Variants in RSRC1 observed in about 807,000 individuals in gnomAD.
RSRC1 encodes serine/Arginine-related protein 53.
A neutral mutation model predicts 49.1 loss-of-function variants in RSRC1; 39 were observed. The ratio of observed to expected loss-of-function variants is 0.79; its 90% CI spans 0.61 to 1.04. RSRC1 has a LOEUF of 1.04. RSRC1 is among the 50% of genes least tolerant of loss of function. The pLI, the probability that RSRC1 is intolerant of heterozygous loss-of-function variation, is 0.00. For missense variants in RSRC1, 388 were observed against 402.4 expected (o/e 0.96, Z 0.31); for synonymous variants, 143 against 130.8 (o/e 1.09, Z -0.63).
chr3:158,265,557 G>T (rs1313808840), intron 4 of RSRC1, among the ~76,000 whole-genome samples: 2 of 151,948 alleles, frequency 1.3e-5, no homozygotes, highest in Non-Finnish European at 2.9e-5. Context: ...CTTGAAACCG[G>T]GAGGCAGAGG....
intron 7 of RSRC1, among the ~76,000 whole-genome samples, chr3:158,509,209 A>T (rs1250072193): frequency 6.6e-6 from 1 of 152,146 alleles, no homozygotes; most frequent in Non-Finnish European, 1.5e-5. Flanking sequence ...TTATTTTTGC[A>T]TGTGGATTAT....
chr3:158,197,967 G>C (rs970366531), intron 3 of RSRC1, among the ~76,000 whole-genome samples: 1 of 152,184 alleles, frequency 6.6e-6, no homozygotes, highest in East Asian at 1.9e-4. Context: ...TGTATATTCT[G>C]TTGATTTGGG....
At chr3:158,357,617 A>G (rs140566531) in intron 6 of RSRC1, among the ~76,000 whole-genome samples, 1 of 152,060 alleles carries the variant, frequency 6.6e-6, no homozygotes, top group African/African-American at 2.4e-5. Flanking sequence ...CTTTTTGGTG[A>G]TGAATTTTAA....
intron 5 of RSRC1, among the ~76,000 whole-genome samples, chr3:158,307,068 C>A (rs906759088): frequency 6.6e-6 from 1 of 150,988 alleles, no homozygotes; most frequent in Non-Finnish European, 1.5e-5. Context: ...AAGCAAGATG[C>A]GAAAGCTTGA....
Position 158,517,755 on chromosome 3 carries a change from A to ATTTTTTTTTTTTT in RSRC1, c.653-19311_653-19299dup, listed in dbSNP as rs766129663. Among the ~76,000 whole-genome samples the ATTTTTTTTTTTTT allele has an allele frequency of 2.3e-4, 8 of 35,176 alleles. 1 individual carries two copies. Among genetic ancestry groups the ATTTTTTTTTTTTT allele is most frequent in the East Asian group, 1.1e-3 (1 of 916 alleles). 23.1% of individuals were successfully genotyped at this position (35,176 alleles called of 152,430 possible). A position where few individuals can be genotyped will look rare whatever the true frequency, so the allele number is the denominator to read the frequency against. On this transcript the variant is annotated intron_variant, in intron 7 of 9. Coordinates refer to ENST00000611884, the MANE Select transcript of RSRC1 (RefSeq NM_001271838.2). ...AGGTGTATACCACAACACCCAGCTA[A>ATTTTTTTTTTTTT]TTTTTTTTTTTTTTTTTTTTTTTTT...
chr3:158,410,189 A>G (rs958652168), intron 6 of RSRC1, among the ~76,000 whole-genome samples: 3 of 152,132 alleles, frequency 2.0e-5, no homozygotes, highest in Non-Finnish European at 1.5e-5. Context: ...TGGAATTCTT[A>G]ATATAGCTAC....
At chr3:158,200,781 T>C (rs1178283782) in intron 3 of RSRC1, among the ~76,000 whole-genome samples, 1 of 152,168 alleles carries the variant, frequency 6.6e-6, no homozygotes. Context: ...TTCATTTACC[T>C]GCCCCATGCT....
chr3:158,504,602 G>A (rs1242116073), intron 7 of RSRC1, among the ~76,000 whole-genome samples: 2 of 152,096 alleles, frequency 1.3e-5, no homozygotes, highest in African/African-American at 4.8e-5. Flanking sequence ...TTACTGAGTG[G>A]CCTTTGGTCA....
chr3:158,369,723 A>G (rs1560013783), intron 6 of RSRC1, among the ~76,000 whole-genome samples: 1 of 152,072 alleles, frequency 6.6e-6, no homozygotes, highest in Admixed American at 6.6e-5. Flanking sequence ...TTATTTTTAA[A>G]TTGTCTTGTC....
intron 7 of RSRC1, among the ~76,000 whole-genome samples, chr3:158,463,363 G>A (rs1312548165): frequency 3.9e-5 from 6 of 152,030 alleles, no homozygotes; most frequent in Non-Finnish European, 7.4e-5. Flanking sequence ...AGTGATTAAT[G>A]TATAAGCTAC....
At chr3:158,450,331 C>CTTTTTTTTTTTTTTTTTTTT (rs57318071) in intron 6 of RSRC1, among the ~76,000 whole-genome samples, 1 of 127,308 alleles carries the variant, frequency 7.9e-6, no homozygotes, top group African/African-American at 2.9e-5. Flanking sequence ...TTCTTTTTTG[C>CTTTTTTTTTTTTTTTTTTTT]TTTTTTTTTT....
intron 4 of RSRC1, among the ~76,000 whole-genome samples, chr3:158,242,450 CATT>C (rs1578234964): frequency 6.6e-6 from 1 of 152,072 alleles, no homozygotes; most frequent in South Asian, 2.1e-4. Flanking sequence ...TCCAATCTAT[CATT>C]GTTGGACATT....
chr3:158,537,645 G>A (rs985555217), intron 8 of RSRC1, among the ~76,000 whole-genome samples: 3 of 151,446 alleles, frequency 2.0e-5, no homozygotes, highest in Admixed American at 6.6e-5. Context: ...TCACTTATTT[G>A]GCTGTGGTAA....
At chr3:158,211,988 T>G (rs1396374664) in intron 4 of RSRC1, among the ~76,000 whole-genome samples, 1 of 151,938 alleles carries the variant, frequency 6.6e-6, no homozygotes, top group Non-Finnish European at 1.5e-5. Context: ...TTCATCTTTT[T>G]GGGTTCATTT....
rs564489943 is a variant in RSRC1 at position 158,441,000 on chromosome 3, G to A, written c.584-19935G>A. Among the ~76,000 whole-genome samples, 4 of 152,142 alleles carry A rather than the reference G, an allele frequency of 2.6e-5. No homozygotes were observed. The East Asian group carries it at 7.7e-4, about 29-fold the overall frequency. On this transcript the variant is annotated intron_variant, in intron 6 of 9. Coordinates refer to ENST00000611884, the MANE Select transcript of RSRC1 (RefSeq NM_001271838.2). ...GAGAAATCACTTTCAGGTGTTTGAA[G>A]TGAAATCTCTTGCATGGTTTTATGT...
Position 158,544,724 on chromosome 3 carries a change from C to T in RSRC1, c.*449C>T, listed in dbSNP as rs1713228457. On this transcript the variant is annotated 3_prime_UTR_variant, in exon 10 of 10. Coordinates refer to ENST00000611884, the MANE Select transcript of RSRC1 (RefSeq NM_001271838.2). The stretch of plus-strand genomic sequence containing the variant: ...TTTCACCATATTGCAAATTTTTAGG[C>T]ACAATAAAAAGCACCCTAAACAATG... 6.6e-6 allele frequency: 1 copy of T among 152,128 alleles called. No individual in the cohort carries two copies. Among genetic ancestry groups the T allele is most frequent in the Admixed American group, 6.5e-5 (1 of 15,282 alleles). The allele number at this position is 152,128 out of a possible 1,614,324, so 9.4% of individuals were successfully genotyped here.
intron 4 of RSRC1, among the ~76,000 whole-genome samples, chr3:158,258,964 T>C (rs968512438): frequency 6.6e-6 from 1 of 152,216 alleles, no homozygotes; most frequent in African/African-American, 2.4e-5. Context: ...TGGTATTTGT[T>C]ATCTTGGATT....
chr3:158,288,608 TG>T (rs982510043), intron 4 of RSRC1, among the ~76,000 whole-genome samples: 16 of 152,172 alleles, frequency 1.1e-4, no homozygotes, highest in African/African-American at 3.9e-4. Context: ...CCGGTATCTG[TG>T]GGATATTGAT....
intron 4 of RSRC1, among the ~76,000 whole-genome samples, chr3:158,256,503 G>A (rs1368912922): frequency 2.6e-5 from 4 of 152,116 alleles, no homozygotes; most frequent in Non-Finnish European, 4.4e-5. Flanking sequence ...TTCATCAGGG[G>A]TATTGGTCTA....
Sources: gnomAD v4.1 joint callset for allele counts (sites outside exome capture counted in the v4.1 genomes callset) on GRCh38, gnomAD v4.1.1 for gene constraint, MANE v1.5 for transcripts, NCBI Gene and HGNC (gene_info 2026-07-23, HGNC 2026-07-21) for gene names.